Variants in LRRC4C observed in about 807,000 individuals in gnomAD.
LRRC4C encodes leucine rich repeat containing 4C.
Under a neutral mutation model 33.6 loss-of-function variants are expected in LRRC4C, and 5 were observed. That is an observed-to-expected ratio of 0.15 (90% confidence interval 0.08 to 0.31). The LOEUF (loss-of-function observed/expected upper bound fraction) is 0.31. LRRC4C is among the 10% of genes least tolerant of loss of function. LRRC4C has a pLI of 1.00. For missense variants in LRRC4C, 560 were observed against 796.7 expected, an observed-to-expected ratio of 0.70 and a Z score of 3.58; for synonymous variants, 329 against 302.0, an observed-to-expected ratio of 1.09 and a Z score of -0.93.
chr11:40,272,979 A>T (rs1942820634), intron 4 of LRRC4C, among the ~76,000 whole-genome samples: 1 of 104,952 alleles, frequency 9.5e-6, no homozygotes. Flanking sequence ...TTATATGATG[A>T]GTTTAATGGC....
intron 1 of LRRC4C, among the ~76,000 whole-genome samples, chr11:41,310,239 C>A (rs1315729436): frequency 2.0e-5 from 3 of 152,132 alleles, no homozygotes; most frequent in Non-Finnish European, 4.4e-5. Context: ...CTTAAATATT[C>A]TTTTCAAATC....
intron 5 of LRRC4C, among the ~76,000 whole-genome samples, chr11:40,223,046 T>C (rs559672226): frequency 7.0e-5 from 10 of 142,092 alleles, no homozygotes; most frequent in African/African-American, 2.6e-4. Context: ...AAAGAAAATA[T>C]AAGAAATATA....
chr11:41,075,148 A>G (rs1939053483), intron 1 of LRRC4C, among the ~76,000 whole-genome samples: 1 of 150,876 alleles, frequency 6.6e-6, no homozygotes, highest in South Asian at 2.1e-4. Flanking sequence ...ATGAAACCAC[A>G]TGGAAGCCAC....
intron 3 of LRRC4C, among the ~76,000 whole-genome samples, chr11:40,343,586 C>T (rs1946973659): frequency 6.6e-6 from 1 of 151,262 alleles, no homozygotes; most frequent in African/African-American, 2.4e-5. Flanking sequence ...TTAGCTCCCA[C>T]TTATAAGTGA....
chr11:41,157,017 T>C (rs1204055742), intron 1 of LRRC4C, among the ~76,000 whole-genome samples: 1 of 152,066 alleles, frequency 6.6e-6, no homozygotes, highest in Admixed American at 6.6e-5. Context: ...TCTTCTGCCA[T>C]GTGAAGAACA....
intron 3 of LRRC4C, among the ~76,000 whole-genome samples, chr11:40,435,994 T>C (rs1951123520): frequency 6.6e-6 from 1 of 152,214 alleles, no homozygotes; most frequent in Non-Finnish European, 1.5e-5. Flanking sequence ...TTGCTCCTTT[T>C]GTTCTACCTG....
At chr11:41,112,738 A>G (rs1254984851) in intron 1 of LRRC4C, among the ~76,000 whole-genome samples, 1 of 152,102 alleles carries the variant, frequency 6.6e-6, no homozygotes, top group African/African-American at 2.4e-5. Flanking sequence ...CTAAGAATTA[A>G]TGCATAGGTA....
chr11:40,369,534 C>T (rs1293768312), intron 3 of LRRC4C, among the ~76,000 whole-genome samples: 1 of 152,184 alleles, frequency 6.6e-6, no homozygotes, highest in African/African-American at 2.4e-5. Context: ...GATGGGGTTT[C>T]TTCATCTTGG....
intron 2 of LRRC4C, among the ~76,000 whole-genome samples, chr11:40,789,308 G>C (rs1049831969): frequency 1.3e-5 from 2 of 151,992 alleles, no homozygotes; most frequent in African/African-American, 4.8e-5. Flanking sequence ...ATATGAGCTA[G>C]CAATCAGTTG....
chr11:40,608,881 TTATACATGTA>T (rs1960906343), intron 3 of LRRC4C, among the ~76,000 whole-genome samples: 1 of 152,076 alleles, frequency 6.6e-6, no homozygotes, highest in Non-Finnish European at 1.5e-5. Context: ...AAGATAACAA[TTATACATGTA>T]TATACTATCA....
intron 1 of LRRC4C, among the ~76,000 whole-genome samples, chr11:41,443,785 T>A (rs532719177): frequency 1.3e-5 from 2 of 149,430 alleles, no homozygotes; most frequent in Non-Finnish European, 3.0e-5. Context: ...CTAGCTATTT[T>A]TTTTTTTTTT....
chr11:41,458,770 A>G (rs183109194), intron 1 of LRRC4C, among the ~76,000 whole-genome samples: 22 of 152,224 alleles, frequency 1.4e-4, no homozygotes, highest in Admixed American at 3.9e-4. Context: ...TAATCAGGGG[A>G]CACTGCATTC....
intron 1 of LRRC4C, among the ~76,000 whole-genome samples, chr11:40,968,546 T>C (rs1851508756): frequency 6.6e-6 from 1 of 152,136 alleles, no homozygotes; most frequent in African/African-American, 2.4e-5. Context: ...CAAAGAGCAG[T>C]CTGACTCTCC....
At chr11:40,643,511 C>A (rs1490349756) in intron 3 of LRRC4C, among the ~76,000 whole-genome samples, 1 of 152,122 alleles carries the variant, frequency 6.6e-6, no homozygotes, top group Non-Finnish European at 1.5e-5. Flanking sequence ...ACATAGGGAT[C>A]CTGAACTTCT....
rs542921446 is a variant in LRRC4C, at chr11:40,210,728, C to A, written c.-96+30791G>T. The stretch of plus-strand genomic sequence containing the variant: ...CCTTGAGAGCATTTGTATTGCTTGT[C>A]TCTCTCACTCGGAATGTCTACCTTA... On this transcript the variant is annotated intron_variant, in intron 5 of 6. Transcript: ENST00000528697. 7.9e-5 allele frequency among the ~76,000 whole-genome samples: 12 copies of A among 152,218 alleles called. No individual in the cohort carries two copies. The East Asian group carries it at 2.1e-3, about 27-fold the overall frequency.
intron 1 of LRRC4C, among the ~76,000 whole-genome samples, chr11:41,183,436 G>T (rs1316699587): frequency 1.3e-5 from 2 of 152,156 alleles, no homozygotes; most frequent in Admixed American, 6.5e-5. Context: ...AAACAAAGGG[G>T]CTACAGGCCC....
intron 1 of LRRC4C, among the ~76,000 whole-genome samples, chr11:40,939,144 T>C (rs1396057018): frequency 6.6e-6 from 1 of 152,204 alleles, no homozygotes; most frequent in African/African-American, 2.4e-5. Context: ...CACGATTTCT[T>C]GGCTATGGTG....
intron 1 of LRRC4C, among the ~76,000 whole-genome samples, chr11:41,029,540 T>G (rs1039151937): frequency 6.6e-6 from 1 of 151,832 alleles, no homozygotes; most frequent in Non-Finnish European, 1.5e-5. Flanking sequence ...CAAATTATAA[T>G]GATCAAATGA....
Position 40,580,058 on chromosome 11 carries a change from G to GGTGTGTGTGTGTGTGT in LRRC4C, c.-270+68068_-270+68083dup, listed in dbSNP as rs72110597. On this transcript the variant is annotated intron_variant, in intron 3 of 6. Coordinates refer to ENST00000528697, the MANE Select transcript of LRRC4C (RefSeq NM_001258419.2). ...CTGTTTTGTTCAAGGGTACTTTTCA[G>GGTGTGTGTGTGTGTGT]GTGTGTGTGTGTGTGTGTGTGTGTG... is the stretch of plus-strand genomic sequence containing the variant. 2.0e-3 allele frequency among the ~76,000 whole-genome samples: 295 copies of GGTGTGTGTGTGTGTGT among 145,506 alleles called. 1 individual carries two copies. The highest frequency in any genetic ancestry group is 5.8e-3 in the South Asian group (26 of 4,512).
Sources: allele counts gnomAD v4.1 joint callset (sites outside exome capture counted in the v4.1 genomes callset), GRCh38; gene constraint gnomAD v4.1.1; transcripts MANE v1.5; gene names NCBI Gene and HGNC (gene_info 2026-07-23, HGNC 2026-07-21).